JARID2: variants seen among roughly 807,000 people sequenced by gnomAD.
JARID2 encodes the protein jumonji and AT-rich interaction domain containing 2.
A neutral mutation model predicts 125.6 loss-of-function variants in JARID2; 21 were observed. The observed-to-expected ratio is 0.17, with a 90% CI of 0.12 to 0.24. The LOEUF (loss-of-function observed/expected upper bound fraction) is 0.24, where lower values mean the gene tolerates loss of function less well. Ranked by LOEUF, JARID2 falls within the 10% of genes least tolerant of loss-of-function variation. The pLI is 1.00. For missense variants in JARID2, 1,303 were observed against 1,639.6 expected, an observed-to-expected ratio of 0.79 and a Z score of 3.55; for synonymous variants, 736 against 661.6, an observed-to-expected ratio of 1.11 and a Z score of -1.73.
intron 1 of JARID2, among the ~76,000 whole-genome samples, chr6:15,304,160 T>G (rs984493390): frequency 6.6e-6 from 1 of 152,056 alleles, no homozygotes; most frequent in Non-Finnish European, 1.5e-5. Flanking sequence ...ATAACCAGCC[T>G]TGATAACCAG....
At chr6:15,319,448 A>T (rs150410171) in intron 1 of JARID2, among the ~76,000 whole-genome samples, 164 of 152,216 alleles carry the variant, frequency 1.1e-3, no homozygotes, top group African/African-American at 3.8e-3. Context: ...CCCAGGATGG[A>T]GTCCAGTGGT....
intron 5 of JARID2, among the ~76,000 whole-genome samples, chr6:15,481,371 G>A (rs1168532939): frequency 6.6e-6 from 1 of 151,976 alleles, no homozygotes; most frequent in Non-Finnish European, 1.5e-5. Flanking sequence ...TTTTAATTGG[G>A]GACAGTGTGT....
At chr6:15,433,880 T>G (rs948832625) in intron 3 of JARID2, among the ~76,000 whole-genome samples, 45 of 151,786 alleles carry the variant, frequency 3.0e-4, no homozygotes, top group African/African-American at 9.7e-4. Flanking sequence ...TTTAAATTCT[T>G]TTAGGCCCTA....
At chr6:15,517,393 A>AGG (rs1056680551) in intron 17 of JARID2, 125 bp downstream of exon 17, 10 of 685,926 alleles carry the variant, frequency 1.5e-5, no homozygotes, top group African/African-American at 1.4e-4. Context: ...TGCAGGCCTG[A>AGG]GGTGCCCTGT....
At chr6:15,440,756 A>C (rs368325358) in intron 3 of JARID2, among the ~76,000 whole-genome samples, 21 of 152,358 alleles carry the variant, frequency 1.4e-4, no homozygotes, top group East Asian at 9.6e-4. Flanking sequence ...CCGTTGTTTC[A>C]GCATCAGAGA....
intron 2 of JARID2, among the ~76,000 whole-genome samples, chr6:15,387,754 C>T (rs189991268): frequency 1.9e-4 from 29 of 152,192 alleles, no homozygotes; most frequent in Admixed American, 9.8e-4. Flanking sequence ...AGCTGTTTGA[C>T]CTTTGAGAAG....
chr6:15,317,198 C>T (rs1055630607), intron 1 of JARID2, among the ~76,000 whole-genome samples: 2 of 152,062 alleles, frequency 1.3e-5, no homozygotes, highest in East Asian at 3.9e-4. Flanking sequence ...TCTGTGAAAT[C>T]CCCTTGAGAA....
At chr6:15,414,523 A>AAC (rs1237310002) in intron 3 of JARID2, among the ~76,000 whole-genome samples, 1 of 110,740 alleles carries the variant, frequency 9.0e-6, no homozygotes, top group African/African-American at 3.7e-5. Context: ...AGGCAACTAC[A>AAC]ACAACAACAA....
chr6:15,325,680 A>G (rs1762513589), intron 1 of JARID2, among the ~76,000 whole-genome samples: 1 of 152,182 alleles, frequency 6.6e-6, no homozygotes, highest in East Asian at 1.9e-4. Flanking sequence ...GCTCCATCAC[A>G]GCGGTTCTCA....
rs376724376 is a variant in JARID2, at chr6:15,497,183, G to A, written c.1945+13G>A. The A allele has an allele frequency of 4.5e-5, 68 of 1,523,304 alleles. No individual in the cohort carries two copies. The African/African-American group carries it at 5.8e-4, about 13-fold the overall frequency. 94.4% of individuals were successfully genotyped at this position (1,523,304 alleles called of 1,614,324 possible). A position where few individuals can be genotyped will look rare whatever the true frequency, so the allele number is the denominator to read the frequency against. ...CTCCCGCTCATAGGTAGGTCTGGGC[G>A]GGGGGTCAGGGGGTGGTGCCTGCCC... On this transcript the variant is annotated intron_variant, in intron 7 of 17. Transcript: ENST00000341776.
In JARID2 at chr6:15,415,843, G is replaced by A. The variant is rs541592784; in HGVS notation, c.323+5478G>A. Among the ~76,000 whole-genome samples the A allele has an allele frequency of 5.5e-3, 666 of 120,324 alleles. 7 individuals carry two copies. The highest frequency in any genetic ancestry group is 0.018 in the African/African-American group (629 of 34,264). 78.9% of individuals were successfully genotyped at this position (120,324 alleles called of 152,430 possible). A position where few individuals can be genotyped will look rare whatever the true frequency, so the allele number is the denominator to read the frequency against. On this transcript the variant is annotated intron_variant, in intron 3 of 17. Transcript: ENST00000341776. ...GGGCTGACCCCCCCACCTCCCTCCC[G>A]GACGGGGCGGCTGGCTGGGCGGGGG...
chr6:15,464,448 T>A (rs555239155), intron 4 of JARID2, among the ~76,000 whole-genome samples: 1 of 152,284 alleles, frequency 6.6e-6, no homozygotes, highest in South Asian at 2.1e-4. Context: ...CTAGGGGAGA[T>A]GCCAGTTGTT....
chr6:15,361,071 G>A (rs1167785270), intron 1 of JARID2, among the ~76,000 whole-genome samples: 1 of 152,200 alleles, frequency 6.6e-6, no homozygotes, highest in African/African-American at 2.4e-5. Context: ...TCTGTAACAG[G>A]TAACAGCACA....
chr6:15,312,236 G>T (rs1264741871), intron 1 of JARID2, among the ~76,000 whole-genome samples: 2 of 152,014 alleles, frequency 1.3e-5, no homozygotes, highest in Non-Finnish European at 2.9e-5. Context: ...TGTATTTTTA[G>T]TAGAGACAGG....
intron 8 of JARID2, 47 bp from the exon 9 acceptor site, chr6:15,504,453 G>C (rs772274632): frequency 9.1e-6 from 13 of 1,428,390 alleles, no homozygotes; most frequent in Non-Finnish European, 1.3e-5. Flanking sequence ...TTTGCAGTAG[G>C]GTTCAGCTTT....
intron 1 of JARID2, among the ~76,000 whole-genome samples, chr6:15,268,004 C>G (rs1359409941): frequency 6.6e-6 from 1 of 152,148 alleles, no homozygotes; most frequent in African/African-American, 2.4e-5. Flanking sequence ...ACCCCACACC[C>G]CAGAACAGGG....
At chr6:15,355,896 C>A (rs1002366715) in intron 1 of JARID2, among the ~76,000 whole-genome samples, 1 of 152,224 alleles carries the variant, frequency 6.6e-6, no homozygotes, top group Non-Finnish European at 1.5e-5. Flanking sequence ...CAGGCGTGAG[C>A]CAGTGTGCCC....
Position 15,496,420 on chromosome 6 carries a change from T to C in JARID2, c.1195T>C (p.Ser399Pro), listed in dbSNP as rs144274940. ...QVLSLGGASKSTGPAVNGLKV... is the reference protein window; with the variant it reads ...QVLSLGGASKPTGPAVNGLKV... ...GCTATCCCTCGGGGGGGCGTCCAAGTCCACTGGGCCCGCCGTCAATGGCCT... is the reference window on the plus strand; with the variant it reads ...GCTATCCCTCGGGGGGGCGTCCAAGCCCACTGGGCCCGCCGTCAATGGCCT... Residue 399 changes from serine to proline, a missense_variant, in exon 7 of 18, where the codon TCC becomes CCC. Physicochemically the swap from Ser to Pro is moderately conservative, Grantham distance 74. Around this residue, in one of 11 missense-constraint regions of JARID2, gnomAD observed 651 missense variants for 581.6 expected, o/e 1.12. Coordinates refer to ENST00000341776, the MANE Select transcript of JARID2 (RefSeq NM_004973.4). 6.8e-6 allele frequency: 11 copies of C among 1,613,402 alleles called. No individual in the cohort carries two copies. The African/African-American group carries it at 1.5e-4, about 22-fold the overall frequency.
At chr6:15,447,123 GTGA>G (rs1767707635) in intron 3 of JARID2, among the ~76,000 whole-genome samples, 1 of 152,132 alleles carries the variant, frequency 6.6e-6, no homozygotes, top group Non-Finnish European at 1.5e-5. Flanking sequence ...ACACGCCCCA[GTGA>G]TGATCTGATC....
Sources: gnomAD v4.1 joint callset for allele counts (sites outside exome capture counted in the v4.1 genomes callset) on GRCh38, gnomAD v4.1.1 for gene constraint, gnomAD v4.1.1 regional missense constraint, MANE v1.5 for transcripts, NCBI Gene and HGNC (gene_info 2026-07-23, HGNC 2026-07-21) for gene names.